The following ESR1 variants were observed in gnomAD, a reference collection of about 807,000 sequenced individuals.
ESR1 encodes the protein estrogen receptor.
A neutral mutation model predicts 52.7 loss-of-function variants in ESR1; 12 were observed. The ratio of observed to expected loss-of-function variants is 0.23; its 90% CI spans 0.15 to 0.37. The LOEUF is 0.37. Ranked by LOEUF, ESR1 falls within the 10% of genes least tolerant of loss-of-function variation. The pLI, the probability that ESR1 is intolerant of heterozygous loss-of-function variation, is 1.00. For missense variants in ESR1, 584 were observed against 779.7 expected (o/e 0.75, Z 2.99); for synonymous variants, 305 against 316.8 (o/e 0.96, Z 0.39).
intron 1 of ESR1, among the ~76,000 whole-genome samples, chr6:151,665,381 T>C (rs1777783818): frequency 6.6e-6 from 1 of 152,196 alleles, no homozygotes; most frequent in Non-Finnish European, 1.5e-5. Context: ...TCATTGTTAA[T>C]TTCATCGTTA....
At chr6:151,994,904 C>T (rs933997969) in intron 4 of ESR1, among the ~76,000 whole-genome samples, 15 of 152,012 alleles carry the variant, frequency 9.9e-5, no homozygotes, top group African/African-American at 3.6e-4. Flanking sequence ...CCAAGGCAGG[C>T]GTTTTGTCTT....
At chr6:151,782,621 C>T (rs1355097790) in intron 2 of ESR1, among the ~76,000 whole-genome samples, 1 of 152,024 alleles carries the variant, frequency 6.6e-6, no homozygotes, top group Non-Finnish European at 1.5e-5. Flanking sequence ...AATGTGTGCA[C>T]CTATTTAAAT....
At chr6:152,043,552 T>G (rs913803324) in intron 5 of ESR1, among the ~76,000 whole-genome samples, 6 of 152,202 alleles carry the variant, frequency 3.9e-5, no homozygotes, top group African/African-American at 1.4e-4. Context: ...ACAGGGGTAT[T>G]GAGGGTGGGT....
rs184183936 is a variant in ESR1 at position 151,760,188 on chromosome 6, T to C, written c.-70-47655T>C. 4.4e-3 allele frequency among the ~76,000 whole-genome samples: 670 copies of C among 152,302 alleles called. 4 individuals carry two copies. Among genetic ancestry groups the C allele is most frequent in the African/African-American group, 0.015 (644 of 41,560 alleles). ...AGACTTGTTTCTTCAGGGCTCTCTT[T>C]GGTTCTCAGCTCTTCCTTTCTGAAT... On this transcript the variant is annotated intron_variant, in intron 2 of 2. Transcript: ENST00000404742.
rs1394994012 is a variant in ESR1, at chr6:151,952,007, C to CA, written c.1096+7500dup. 2.0e-5 allele frequency among the ~76,000 whole-genome samples: 3 copies of CA among 152,172 alleles called. No individual in the cohort carries two copies. In the East Asian group the frequency reaches 5.8e-4, roughly 29 times the overall value. ...GTTCCACTGTCACCAGCTTGGTCTACATCCTACTTTGATCATTTGGATTTA... is the reference window on the plus strand; with the variant it reads ...GTTCCACTGTCACCAGCTTGGTCTACAATCCTACTTTGATCATTTGGATTTA... On this transcript the variant is annotated intron_variant, in intron 4 of 7. Coordinates refer to ENST00000206249, the MANE Select transcript of ESR1 (RefSeq NM_000125.4).
At chr6:152,008,197 A>C (rs1411691137) in intron 4 of ESR1, among the ~76,000 whole-genome samples, 1 of 152,082 alleles carries the variant, frequency 6.6e-6, no homozygotes, top group African/African-American at 2.4e-5. Context: ...TAGTCTTCAC[A>C]TTCATTGAGA....
intron 2 of ESR1, among the ~76,000 whole-genome samples, chr6:151,871,215 C>A (rs953976668): frequency 4.6e-5 from 7 of 150,938 alleles, no homozygotes; most frequent in African/African-American, 1.7e-4. Context: ...ACTTGTACCC[C>A]AAAAGCTATT....
intron 6 of ESR1, among the ~76,000 whole-genome samples, chr6:152,089,536 C>T (rs1408911286): frequency 6.6e-6 from 1 of 152,240 alleles, no homozygotes; most frequent in Non-Finnish European, 1.5e-5. Context: ...CCAGTTCATA[C>T]ACTGGACCTT....
chr6:152,013,289 G>A (rs569203115), intron 5 of ESR1, among the ~76,000 whole-genome samples: 1 of 151,042 alleles, frequency 6.6e-6, no homozygotes, highest in African/African-American at 2.4e-5. Context: ...TAGCAGTGTG[G>A]TTTTGTAACC....
chr6:152,037,454 G>A (rs2045407258), intron 5 of ESR1, among the ~76,000 whole-genome samples: 1 of 152,274 alleles, frequency 6.6e-6, no homozygotes. Context: ...CTGAAATCAC[G>A]TGAATGATGT....
Position 152,094,548 on chromosome 6 carries a change from C to T in ESR1, c.1533C>T (p.Leu511=), listed in dbSNP as rs2152496643. The T allele has an allele frequency of 6.2e-7, 1 of 1,614,082 alleles. No individual in the cohort carries two copies. The highest frequency in any genetic ancestry group is 8.5e-7 in the Non-Finnish European group (1 of 1,180,036). The change falls in exon 7 of 8, where the codon CTC becomes CTT. Residue 511 remains leucine, a synonymous_variant. Coordinates refer to ENST00000206249, the MANE Select transcript of ESR1 (RefSeq NM_000125.4). The surrounding 1 kb of genome is among the most constrained non-coding windows in gnomAD (Gnocchi z 4.6). ...GGCTGGCCCAGCTCCTCCTCATCCT[C>T]TCCCACATCAGGCACATGAGGTGAG... is the stretch of plus-strand genomic sequence containing the variant. The part of the protein sequence containing the change: ...HQRLAQLLLI[L]SHIRHMSNKG...
chr6:151,840,493 T>G (rs1784120498), intron 1 of ESR1, among the ~76,000 whole-genome samples: 1 of 152,336 alleles, frequency 6.6e-6, no homozygotes, highest in East Asian at 1.9e-4. Context: ...TCAGACGTAC[T>G]CAACCCAAGG....
At chr6:151,968,908 C>T (rs993375379) in intron 4 of ESR1, among the ~76,000 whole-genome samples, 16 of 152,066 alleles carry the variant, frequency 1.1e-4, no homozygotes, top group Middle Eastern at 3.2e-3. Context: ...TCCCTCTTTC[C>T]GTCTGTGGTA....
In ESR1 at chr6:152,098,989, T is replaced by C. The variant is rs2152507562; in HGVS notation, c.*23T>C. On this transcript the variant is annotated 3_prime_UTR_variant, in exon 8 of 8. Transcript: ENST00000206249. The surrounding 1 kb of genome is among the most constrained non-coding windows in gnomAD (Gnocchi z 5.1). ...TGAGAGCTCCCTGGCTCCCACACGG[T>C]TCAGATAATCCCTGCTGCATTTTAC... 1 of 1,590,938 alleles carries C rather than the reference T, an allele frequency of 6.3e-7. No homozygotes were observed. The highest frequency in any genetic ancestry group is 1.7e-4 in the Middle Eastern group (1 of 6,020).
chr6:152,011,659 TTG>T lies in ESR1; in HGVS notation c.1103_1104del (p.Val368GlyfsTer6). On this transcript the variant is annotated frameshift_variant, in exon 5 of 8. Coordinates refer to ENST00000206249, the MANE Select transcript of ESR1 (RefSeq NM_000125.4). LOFTEE classifies it high-confidence loss of function. ...GGTTTTTCTTGCTTGTTTTCAGGCT[TTG>T]TGGATTTGACCCTCCATGATCAGGT... The T allele has an allele frequency of 6.2e-7, 1 of 1,613,186 alleles. No homozygotes were observed. The highest frequency in any genetic ancestry group is 8.5e-7 in the Non-Finnish European group (1 of 1,179,448).
At chr6:151,778,143 T>G (rs2128117862) in intron 2 of ESR1, among the ~76,000 whole-genome samples, 1 of 152,294 alleles carries the variant, frequency 6.6e-6, no homozygotes, top group East Asian at 1.9e-4. Context: ...AATTTCTTTG[T>G]TTTTAAGAAG....
intron 5 of ESR1, among the ~76,000 whole-genome samples, chr6:152,035,230 A>G (rs2045184173): frequency 6.6e-6 from 1 of 151,998 alleles, no homozygotes; most frequent in Non-Finnish European, 1.5e-5. Context: ...TAGTTAATCA[A>G]TATACCAAAG....
intron 6 of ESR1, among the ~76,000 whole-genome samples, chr6:152,081,439 C>T (rs952980468): frequency 4.6e-5 from 7 of 151,928 alleles, no homozygotes; most frequent in Admixed American, 6.6e-5. Flanking sequence ...AGAACAAGGA[C>T]ACAATGTACC....
chr6:151,879,583 A>G (rs1367367105), intron 2 of ESR1, among the ~76,000 whole-genome samples: 1 of 152,192 alleles, frequency 6.6e-6, no homozygotes, highest in Non-Finnish European at 1.5e-5. Context: ...TCAACAAGAG[A>G]GAAAAGAAAG....
Sources: gnomAD v4.1 joint callset for allele counts (sites outside exome capture counted in the v4.1 genomes callset) on GRCh38, gnomAD v4.1.1 for gene constraint, Gnocchi (gnomAD v3.1) non-coding constraint, MANE v1.5 for transcripts, NCBI Gene and HGNC (gene_info 2026-07-23, HGNC 2026-07-21) for gene names.